FAM13B: variants seen among roughly 807,000 people sequenced by gnomAD.
FAM13B encodes family with sequence similarity 13 member B, also known as protein FAM13B.
A neutral mutation model predicts 117.3 loss-of-function variants in FAM13B; 60 were observed. The ratio of observed to expected loss-of-function variants is 0.51; its 90% CI spans 0.42 to 0.63. FAM13B has a LOEUF of 0.63. FAM13B is among the 30% of genes least tolerant of loss of function. The pLI, the probability that FAM13B is intolerant of heterozygous loss-of-function variation, is 0.00. For missense variants in FAM13B, 972 were observed against 1,091.9 expected, an observed-to-expected ratio of 0.89 and a Z score of 1.55; for synonymous variants, 332 against 356.1, an observed-to-expected ratio of 0.93 and a Z score of 0.76.
At chr5:137,985,497 G>T in intron 9 of FAM13B, 108 bp from the exon 10 acceptor site, 1 of 1,107,488 alleles carries the variant, frequency 9.0e-7, no homozygotes, top group Non-Finnish European at 1.3e-6. Context: ...ACTTGTTAAA[G>T]AAAATGTGTA....
rs1760695952 is a variant in FAM13B, at chr5:137,938,150, T to C, written c.*2075A>G. The C allele has an allele frequency of 1.3e-5, 2 of 152,476 alleles. No homozygotes were observed. Among genetic ancestry groups the C allele is most frequent in the South Asian group, 4.1e-4 (2 of 4,836 alleles). 9.4% of individuals were successfully genotyped at this position (152,476 alleles called of 1,614,324 possible). ...GCTACTGCTCAACTATGACACACAA[T>C]ACTGTCACAGAGCATAAGTGCTGCC... is the stretch of plus-strand genomic sequence containing the variant. On this transcript the variant is annotated 3_prime_UTR_variant, in exon 24 of 24. Coordinates refer to ENST00000689681, the MANE Select transcript of FAM13B (RefSeq NM_001385994.1).
At position 138,033,055 on chromosome 5, in the gene FAM13B, A is replaced by G. The variant is rs1331619291; in HGVS notation, c.-476T>C. On this transcript the variant is annotated 5_prime_UTR_variant, in exon 1 of 24. Transcript: ENST00000689681. ...GGCGGCTGAGGTGCAGAGCCTCCCT[A>G]ACGGCGAGCGGGAGGAGAGCGGCTG... The G allele has an allele frequency of 3.0e-6, 3 of 985,098 alleles. No individual in the cohort carries two copies. The highest frequency in any genetic ancestry group is 3.6e-6 in the Non-Finnish European group (3 of 830,504). The allele number at this position is 985,098 out of a possible 1,614,324, so 61.0% of individuals were successfully genotyped here. A position where few individuals can be genotyped will look rare whatever the true frequency, so the allele number is the denominator to read the frequency against.
intron 7 of FAM13B, among the ~76,000 whole-genome samples, chr5:137,991,076 T>G (rs1778497949): frequency 6.6e-6 from 1 of 152,182 alleles, no homozygotes; most frequent in South Asian, 2.1e-4. Context: ...TACCATAAAG[T>G]ATTCTCTGTA....
At chr5:138,018,800 G>A (rs1351180188) in intron 3 of FAM13B, among the ~76,000 whole-genome samples, 155 bp downstream of exon 3, 1 of 151,786 alleles carries the variant, frequency 6.6e-6, no homozygotes, top group Non-Finnish European at 1.5e-5. Flanking sequence ...ATGAATTTAA[G>A]TAAAAATCAC....
chr5:137,949,683 C>A (rs750284927), intron 17 of FAM13B, among the ~76,000 whole-genome samples: 2 of 152,062 alleles, frequency 1.3e-5, no homozygotes, highest in Admixed American at 6.6e-5. Flanking sequence ...ACCTGTAATC[C>A]CAGCTACTCA....
At chr5:138,021,630 CT>C (rs1166576058) in intron 1 of FAM13B, among the ~76,000 whole-genome samples, 4 of 152,026 alleles carry the variant, frequency 2.6e-5, no homozygotes, top group African/African-American at 9.7e-5. Context: ...GTACTTTCTT[CT>C]TTTTTTTGTA....
intron 10 of FAM13B, among the ~76,000 whole-genome samples, chr5:137,981,335 C>A (rs1262091594): frequency 6.6e-6 from 1 of 152,002 alleles, no homozygotes; most frequent in African/African-American, 2.4e-5. Flanking sequence ...GTAATCCCAA[C>A]ACTTTAGGAG....
At chr5:137,999,634 C>T (rs749893452) in intron 7 of FAM13B, among the ~76,000 whole-genome samples, 12 of 152,158 alleles carry the variant, frequency 7.9e-5, no homozygotes, top group Non-Finnish European at 1.5e-4. Context: ...TACAGCAACA[C>T]CCACTCCTCA....
chr5:138,009,145 C>CAAAAACAAAAAT (rs1454239048), intron 6 of FAM13B, among the ~76,000 whole-genome samples: 30 of 152,106 alleles, frequency 2.0e-4, no homozygotes, highest in African/African-American at 7.0e-4. Flanking sequence ...GTCTCAAAAA[C>CAAAAACAAAAAT]AAAAACAAAA....
At chr5:137,998,399 CT>C (rs1300277175) in intron 7 of FAM13B, among the ~76,000 whole-genome samples, 1 of 152,162 alleles carries the variant, frequency 6.6e-6, no homozygotes, top group Non-Finnish European at 1.5e-5. Flanking sequence ...GAGTACATTT[CT>C]TTTTTAATAT....
At chr5:137,952,782 AT>A in intron 16 of FAM13B, 73 bp from the exon 17 acceptor site, 1 of 873,600 alleles carries the variant, frequency 1.1e-6, no homozygotes, top group Non-Finnish European at 1.8e-6. Context: ...TCCAAATAGT[AT>A]TTTACAATTC....
intron 5 of FAM13B, 35 bp downstream of exon 5, chr5:138,011,733 T>G (rs770811015): frequency 3.9e-6 from 6 of 1,546,380 alleles, no homozygotes; most frequent in Non-Finnish European, 2.6e-6. Context: ...TATCTAATTT[T>G]TAAAAATTAA....
intron 23 of FAM13B, among the ~76,000 whole-genome samples, chr5:137,940,979 C>A (rs7717215): frequency 0.31 from 47,688 of 151,976 alleles, 7,662 homozygotes; most frequent in South Asian, 0.37. Context: ...CATCTCAGCT[C>A]GCTGCAAGCT....
chr5:138,044,885 C>T (rs866363499), intron 1 of FAM13B, among the ~76,000 whole-genome samples: 64 of 152,278 alleles, frequency 4.2e-4, no homozygotes, highest in Middle Eastern at 6.8e-3. Context: ...ATGAAAAATA[C>T]TCAACCACAT....
intron 18 of FAM13B, 42 bp from the exon 19 acceptor site, chr5:137,946,353 A>C (rs777265406): frequency 1.3e-5 from 18 of 1,364,124 alleles, no homozygotes; most frequent in Non-Finnish European, 1.8e-5. Flanking sequence ...AAAAAAAAAA[A>C]AACAAAAACA....
upstream of FAM13B, among the ~76,000 whole-genome samples, chr5:138,035,098 A>C (rs1791023369): frequency 7.2e-6 from 1 of 139,684 alleles, no homozygotes; most frequent in African/African-American, 2.7e-5. Flanking sequence ...ATACAGCCTC[A>C]ACTTCCTGGC....
chr5:137,951,359 T>C (rs1363231305), intron 17 of FAM13B, among the ~76,000 whole-genome samples: 2 of 151,792 alleles, frequency 1.3e-5, no homozygotes, highest in Non-Finnish European at 2.9e-5. Context: ...ACCTCAGAAA[T>C]ACTTAACACT....
intron 7 of FAM13B, among the ~76,000 whole-genome samples, chr5:137,994,912 TATTA>T (rs1205956621): frequency 6.6e-6 from 1 of 152,240 alleles, no homozygotes; most frequent in Non-Finnish European, 1.5e-5. Context: ...AAGAAACTAC[TATTA>T]TTTTAATTTC....
At position 138,032,782 on chromosome 5, in the gene FAM13B, C is replaced by G. The variant is rs1269309323; in HGVS notation, c.-203G>C. ...TCCGGGTACCCGCCCGTTTACCTAC[C>G]GTTGGAACCGCGATGCCCCGTTCCC... On this transcript the variant is annotated splice_region_variant and 5_prime_UTR_variant, in exon 1 of 24. Coordinates refer to ENST00000689681, the MANE Select transcript of FAM13B (RefSeq NM_001385994.1). 2.0e-6 allele frequency: 2 copies of G among 985,660 alleles called. No individual in the cohort carries two copies. Among genetic ancestry groups the G allele is most frequent in the African/African-American group, 1.7e-5 (1 of 57,240 alleles). 61.1% of individuals were successfully genotyped at this position (985,660 alleles called of 1,614,324 possible). A position where few individuals can be genotyped will look rare whatever the true frequency, so the allele number is the denominator to read the frequency against.
Sources: allele counts gnomAD v4.1 joint callset (sites outside exome capture counted in the v4.1 genomes callset), GRCh38; gene constraint gnomAD v4.1.1; transcripts MANE v1.5; gene names NCBI Gene and HGNC (gene_info 2026-07-23, HGNC 2026-07-21).